SPOCD1: variants seen among roughly 807,000 people sequenced by gnomAD.
SPOCD1 encodes SPOC domain containing 1.
A neutral mutation model predicts 92.2 loss-of-function variants in SPOCD1; 64 were observed. That is an observed-to-expected ratio of 0.69 (90% CI 0.57 to 0.86). SPOCD1 has a LOEUF of 0.86. Ranked by LOEUF, SPOCD1 falls within the 40% of genes least tolerant of loss-of-function variation. The pLI is 0.00. For missense variants in SPOCD1, 1,360 were observed against 1,543.1 expected, an observed-to-expected ratio of 0.88 and a Z score of 1.99; for synonymous variants, 578 against 619.3, an observed-to-expected ratio of 0.93 and a Z score of 0.99.
At chr1:31,793,154 G>T (rs1388542196) in intron 13 of SPOCD1, 124 bp downstream of exon 13, 1 of 1,252,236 alleles carries the variant, frequency 8.0e-7, no homozygotes, top group East Asian at 2.6e-5. Flanking sequence ...CCTGCACAGG[G>T]CCAGGCACAG....
Position 31,790,720 on chromosome 1 carries a change from A to G in SPOCD1, c.3534T>C (p.Pro1178=). The change falls in exon 16 of 16, where the codon CCT becomes CCC. Residue 1178 remains proline, a synonymous_variant. Coordinates refer to ENST00000360482, the MANE Select transcript of SPOCD1 (RefSeq NM_144569.7). ...CAAGGGCGCTAGACAAACGCTGCAG[A>G]GGGCGGGGGATGGAGCTCTTGGTCT... The part of the protein sequence containing the change: ...CPQTKSSIPR[P]LQRLSSALAA... 1 of 1,551,836 alleles carries G rather than the reference A, an allele frequency of 6.4e-7. No homozygotes were observed. The highest frequency in any genetic ancestry group is 8.7e-7 in the Non-Finnish European group (1 of 1,147,074).
rs767129582 is a variant in SPOCD1 at position 31,814,897 on chromosome 1, G to A, written c.437C>T (p.Ala146Val). ...TGCAAGCCTCTCCCTGCAGGCCAGA[G>A]CTCTCTCTGGGAGGCCAGCAGACCT... ...CSRSAGLPER[A>V]LACRERLAGV... Residue 146 changes from alanine to valine, a missense_variant, in exon 2 of 16, where the codon GCT (alanine) becomes GTT (valine). Coordinates refer to ENST00000360482, the MANE Select transcript of SPOCD1 (RefSeq NM_144569.7). The surrounding 1 kb of genome is among the most constrained non-coding windows in gnomAD (Gnocchi z 4.2). The A allele has an allele frequency of 6.2e-7, 1 of 1,613,792 alleles. No individual in the cohort carries two copies. Among genetic ancestry groups the A allele is most frequent in the Non-Finnish European group, 8.5e-7 (1 of 1,180,006 alleles).
chr1:31,813,387 C>T (rs1649328771), intron 2 of SPOCD1, among the ~76,000 whole-genome samples: 1 of 151,372 alleles, frequency 6.6e-6, no homozygotes, highest in Non-Finnish European at 1.5e-5. Context: ...CCTGCCTCAG[C>T]CTCCAGAGTA....
Position 31,790,456 on chromosome 1 carries a change from A to C in SPOCD1, c.*147T>G. ...TACCAAATTCTTTATTGAACAAAAA[A>C]TCAACAGCAAACATTGTCAAACAGG... On this transcript the variant is annotated 3_prime_UTR_variant, in exon 16 of 16. Coordinates refer to ENST00000360482, the MANE Select transcript of SPOCD1 (RefSeq NM_144569.7). The C allele has an allele frequency of 1.3e-6, 1 of 764,974 alleles. No homozygotes were observed. Among genetic ancestry groups the C allele is most frequent in the African/African-American group, 1.8e-5 (1 of 56,648 alleles). 47.4% of individuals were successfully genotyped at this position (764,974 alleles called of 1,614,324 possible).
intron 2 of SPOCD1, among the ~76,000 whole-genome samples, chr1:31,808,231 G>C (rs1041481260): frequency 6.6e-6 from 1 of 151,412 alleles, no homozygotes; most frequent in Admixed American, 6.6e-5. Flanking sequence ...TTGAAAACCC[G>C]AAACAAAACA....
chr1:31,800,737 G>T, intron 3 of SPOCD1, 120 bp from the exon 4 acceptor site: 1 of 899,978 alleles, frequency 1.1e-6, no homozygotes, highest in Non-Finnish European at 1.7e-6. Flanking sequence ...AGCTCCGTGA[G>T]GATAGAGAAC....
chr1:31,807,514 T>G (rs1648915837), intron 2 of SPOCD1, among the ~76,000 whole-genome samples: 1 of 148,766 alleles, frequency 6.7e-6, no homozygotes, highest in African/African-American at 2.5e-5. Context: ...GATTGAATGA[T>G]AAGACTGTAT....
Position 31,814,150 on chromosome 1 carries a change from C to A in SPOCD1, c.1184G>T (p.Gly395Val), listed in dbSNP as rs775931745. The A allele has an allele frequency of 6.3e-7, 1 of 1,585,464 alleles. No homozygotes were observed. The highest frequency in any genetic ancestry group is 1.7e-5 in the Admixed American group (1 of 57,522). ...DTCASSREPL[G>V]GLSSSLDTEA... ...AGTATCCAGGGAGGAGCTGAGGCCG[C>A]CCAAGGGCTCCCGGGAGCTGGCACA... is the stretch of plus-strand genomic sequence containing the variant. Residue 395 changes from glycine (G) to valine (V), a missense_variant, in exon 2 of 16, where the codon GGC becomes GTC. Coordinates refer to ENST00000360482, the MANE Select transcript of SPOCD1 (RefSeq NM_144569.7). The surrounding 1 kb of genome is among the most constrained non-coding windows in gnomAD (Gnocchi z 4.2).
In SPOCD1 at chr1:31,815,292, G is replaced by C. The variant is rs757463051; in HGVS notation, c.42C>G (p.Asp14Glu). Residue 14 changes from aspartate to glutamate, a missense_variant, in exon 2 of 16, where the codon GAC becomes GAG. This residue lies in a region of SPOCD1 where 140 missense variants were observed against 183.8 expected (regional missense o/e 0.76). Transcript: ENST00000360482. ...AGDVEGPSTGDPVLSPQHNCE... is the reference protein window; with the variant it reads ...AGDVEGPSTGEPVLSPQHNCE... Reference sequence around the variant, plus strand: ...AGTTGTGTTGGGGACTGAGCACAGGGTCTCCTGTGCTGGGGCCTTCTACGT... The same window carrying C: ...AGTTGTGTTGGGGACTGAGCACAGGCTCTCCTGTGCTGGGGCCTTCTACGT... 6.3e-7 allele frequency: 1 copy of C among 1,581,780 alleles called. No individual in the cohort carries two copies. The highest frequency in any genetic ancestry group is 8.6e-7 in the Non-Finnish European group (1 of 1,157,642).
chr1:31,805,692 G>A (rs550757866), intron 2 of SPOCD1, among the ~76,000 whole-genome samples: 1 of 152,124 alleles, frequency 6.6e-6, no homozygotes, highest in Non-Finnish European at 1.5e-5. Flanking sequence ...CGCCACTGCA[G>A]TCTAGCCTGG....
At chr1:31,815,535 C>G (rs907211483) in intron 1 of SPOCD1, among the ~76,000 whole-genome samples, 163 bp from the exon 2 acceptor site, 24 of 152,344 alleles carry the variant, frequency 1.6e-4, no homozygotes, top group African/African-American at 5.3e-4. Context: ...CCAGCAGGAG[C>G]TGGTGTCCTG....
At position 31,799,977 on chromosome 1, in the gene SPOCD1, C is replaced by G. The variant is rs766176655; in HGVS notation, c.1728+39G>C. ...TCCCACGTCCTCCCTGACCCATGCT[C>G]CAGTGAAGGAGGCACATGGCCGGGG... On this transcript the variant is annotated intron_variant, in intron 5 of 15. Transcript: ENST00000360482. 10 of 1,611,202 alleles carry G rather than the reference C, an allele frequency of 6.2e-6. No individual in the cohort carries two copies. In the South Asian group the frequency reaches 1.1e-4, roughly 18 times the overall value.
At chr1:31,799,606 C>T in intron 6 of SPOCD1, 121 bp from the exon 7 acceptor site, 2 of 1,087,280 alleles carry the variant, frequency 1.8e-6, no homozygotes, top group Non-Finnish European at 2.7e-6. Flanking sequence ...ACCTAGACCC[C>T]TCCCTCTATC....
Position 31,790,682 on chromosome 1 carries a change from G to A in SPOCD1, c.3572C>T (p.Pro1191Leu). 6.4e-7 allele frequency: 1 copy of A among 1,551,938 alleles called. No individual in the cohort carries two copies. The highest frequency in any genetic ancestry group is 1.4e-5 in the African/African-American group (1 of 73,186). ...RLSSALAAPE[P>L]PGPARDSSLG... ...AGAGGAGTCACGGGCTGGGCCAGGG[G>A]GCTCTGGAGCTGCAAGGGCGCTAGA... is the stretch of plus-strand genomic sequence containing the variant. The change falls in exon 16 of 16, where the codon CCC becomes CTC. Residue 1191 changes from proline (P) to leucine (L), a missense_variant. Around this residue, in one of 3 missense-constraint regions of SPOCD1, gnomAD observed 614 missense variants for 757.8 expected, o/e 0.81. Transcript: ENST00000360482.
chr1:31,793,220 G>C (rs1481945845), intron 13 of SPOCD1, 58 bp downstream of exon 13: 5 of 1,510,904 alleles, frequency 3.3e-6, no homozygotes, highest in Non-Finnish European at 4.5e-6. Flanking sequence ...GAGAGAGAGA[G>C]AGGCTGCCTG....
chr1:31,806,632 G>GC (rs1284789305), intron 2 of SPOCD1, among the ~76,000 whole-genome samples: 237 of 150,614 alleles, frequency 1.6e-3, no homozygotes, highest in African/African-American at 5.6e-3. Flanking sequence ...TGCAGTCTCC[G>GC]CCCCCGAGGT....
chr1:31,793,060 G>A (rs1647720882), intron 13 of SPOCD1, among the ~76,000 whole-genome samples: 1 of 152,194 alleles, frequency 6.6e-6, no homozygotes, highest in Admixed American at 6.5e-5. Flanking sequence ...CCTCCTTTGG[G>A]CCCTTCTTGC....
intron 2 of SPOCD1, among the ~76,000 whole-genome samples, chr1:31,809,291 A>T (rs1224167134): frequency 6.6e-6 from 1 of 152,136 alleles, no homozygotes; most frequent in Non-Finnish European, 1.5e-5. Context: ...TCAGCAAAAA[A>T]CCTAAGTCTG....
Position 31,793,865 on chromosome 1 carries a change from A to G in SPOCD1, c.2416T>C (p.Phe806Leu). Reference protein sequence around the residue: ...WEPSNELLGSFEAAKSCGDNI... With the variant: ...WEPSNELLGSLEAAKSCGDNI... Reference sequence around the variant, plus strand: ...TCCCCGCAGCTCTTGGCGGCTTCGAAGGAGCCTAGCAGCTCATTCGAGGGC... The same window carrying G: ...TCCCCGCAGCTCTTGGCGGCTTCGAGGGAGCCTAGCAGCTCATTCGAGGGC... Residue 806 changes from phenylalanine (F) to leucine (L), a missense_variant, in exon 12 of 16, where the codon TTC (phenylalanine) becomes CTC (leucine). Physicochemically the swap from Phe to Leu is conservative, Grantham distance 22 (BLOSUM62 0). Transcript: ENST00000360482. 1 of 1,614,054 alleles carries G rather than the reference A, an allele frequency of 6.2e-7. No homozygotes were observed. Among genetic ancestry groups the G allele is most frequent in the African/African-American group, 1.3e-5 (1 of 75,050 alleles).
Sources: allele counts gnomAD v4.1 joint callset (sites outside exome capture counted in the v4.1 genomes callset), GRCh38; gene constraint gnomAD v4.1.1; regional missense constraint gnomAD v4.1.1; non-coding constraint Gnocchi (gnomAD v3.1); transcripts MANE v1.5; gene names NCBI Gene and HGNC (gene_info 2026-07-23, HGNC 2026-07-21).